The following PDE4B variants were observed in gnomAD, a reference collection of about 807,000 sequenced individuals.
PDE4B encodes 3',5'-cyclic-AMP phosphodiesterase 4B.
PDE4B carries 20 observed loss-of-function variants against 82.2 expected under a neutral mutation model. That is an observed-to-expected ratio of 0.24 (90% confidence interval 0.17 to 0.35). The LOEUF (loss-of-function observed/expected upper bound fraction) is 0.35, where lower values mean the gene tolerates loss of function less well. Among genes scored for constraint, PDE4B ranks in the 10% least tolerant of loss-of-function variants. The pLI, the probability that PDE4B is intolerant of heterozygous loss-of-function variation, is 1.00. For missense variants in PDE4B, 655 were observed against 907.2 expected, an observed-to-expected ratio of 0.72 and a Z score of 3.57; for synonymous variants, 320 against 318.9, an observed-to-expected ratio of 1.00 and a Z score of -0.04.
chr1:66,119,706 C>A (rs1163030543), intron 3 of PDE4B, among the ~76,000 whole-genome samples: 1 of 152,148 alleles, frequency 6.6e-6, no homozygotes, highest in Non-Finnish European at 1.5e-5. Flanking sequence ...GTGTTTCCCC[C>A]AAAAGATGTT....
At chr1:66,356,514 A>G (rs775944740) in intron 9 of PDE4B, among the ~76,000 whole-genome samples, 13 of 152,388 alleles carry the variant, frequency 8.5e-5, no homozygotes, top group Non-Finnish European at 1.5e-4. Context: ...ACGCTTGCTT[A>G]TGAAACCTCA....
chr1:66,293,484 C>T (rs1187032492), intron 7 of PDE4B, among the ~76,000 whole-genome samples: 3 of 151,312 alleles, frequency 2.0e-5, no homozygotes, highest in Non-Finnish European at 4.4e-5. Flanking sequence ...TTGCATGTAC[C>T]GTACTGAGTT....
intron 3 of PDE4B, among the ~76,000 whole-genome samples, chr1:66,055,345 G>A (rs907103225): frequency 2.0e-5 from 3 of 152,318 alleles, no homozygotes; most frequent in Non-Finnish European, 1.5e-5. Flanking sequence ...CTTGAGCCTC[G>A]ATTATCTTTT....
intron 3 of PDE4B, among the ~76,000 whole-genome samples, chr1:66,157,103 T>C (rs1646516039): frequency 6.6e-6 from 1 of 152,224 alleles, no homozygotes; most frequent in Non-Finnish European, 1.5e-5. Context: ...AGGACCCTGC[T>C]GTAATGCCAG....
chr1:66,259,470 A>G (rs1654514802), intron 6 of PDE4B, among the ~76,000 whole-genome samples: 1 of 152,236 alleles, frequency 6.6e-6, no homozygotes, highest in East Asian at 1.9e-4. Context: ...CTTTCTTCCT[A>G]AAATGTCTGT....
In PDE4B at chr1:66,059,507, A is replaced by C. The variant is rs554335484; in HGVS notation, c.281+140672A>C. Among the ~76,000 whole-genome samples the C allele has an allele frequency of 3.7e-3, 571 of 152,302 alleles. 7 individuals carry two copies. The highest frequency in any genetic ancestry group is 5.8e-3 in the Non-Finnish European group (395 of 68,034). On this transcript the variant is annotated intron_variant, in intron 3 of 16. Transcript: ENST00000341517. ...AAAGGAAGAAGTTTATTGGACTTACAGTTCCACATGGCTGGGGAGGCCTCA... is the reference window on the plus strand; with the variant it reads ...AAAGGAAGAAGTTTATTGGACTTACCGTTCCACATGGCTGGGGAGGCCTCA...
At chr1:66,071,968 G>A (rs1337191937) in intron 3 of PDE4B, among the ~76,000 whole-genome samples, 1 of 151,986 alleles carries the variant, frequency 6.6e-6, no homozygotes, top group African/African-American at 2.4e-5. Flanking sequence ...CATGCTGAAG[G>A]CCATGTCGCC....
At chr1:65,824,723 A>G (rs1326173885) in intron 1 of PDE4B, among the ~76,000 whole-genome samples, 1 of 151,982 alleles carries the variant, frequency 6.6e-6, no homozygotes, top group East Asian at 1.9e-4. Context: ...TTTGACAACC[A>G]TTGCTGGCAT....
chr1:65,914,383 A>G (rs969315060), intron 2 of PDE4B, among the ~76,000 whole-genome samples: 1 of 151,110 alleles, frequency 6.6e-6, no homozygotes, highest in African/African-American at 2.4e-5. Flanking sequence ...CTCCTTTTCC[A>G]TTGCCATTTC....
chr1:66,344,095 C>G (rs576334942), intron 8 of PDE4B, among the ~76,000 whole-genome samples: 32 of 152,196 alleles, frequency 2.1e-4, no homozygotes, highest in Non-Finnish European at 4.3e-4. Flanking sequence ...ACAGTGCCCC[C>G]CAATGCCTGT....
chr1:65,937,922 G>A (rs750703147), intron 3 of PDE4B, among the ~76,000 whole-genome samples: 3 of 152,006 alleles, frequency 2.0e-5, no homozygotes, highest in Admixed American at 6.6e-5. Flanking sequence ...AGTATACAAC[G>A]TCCATTCTGT....
At chr1:66,272,759 TC>T (rs1655593804) in intron 7 of PDE4B, among the ~76,000 whole-genome samples, 1 of 147,672 alleles carries the variant, frequency 6.8e-6, no homozygotes, top group Non-Finnish European at 1.5e-5. Context: ...TAAACCAGCT[TC>T]CATTCTGGTA....
intron 1 of PDE4B, among the ~76,000 whole-genome samples, chr1:65,872,900 G>A (rs987411063): frequency 6.6e-6 from 1 of 152,090 alleles, no homozygotes; most frequent in Non-Finnish European, 1.5e-5. Context: ...CTGATAAAAC[G>A]ACTGAGGATT....
At chr1:66,261,037 A>G (rs1654642113) in intron 6 of PDE4B, among the ~76,000 whole-genome samples, 1 of 152,200 alleles carries the variant, frequency 6.6e-6, no homozygotes, top group South Asian at 2.1e-4. Context: ...CCTTGTCACC[A>G]ACAAAAATTC....
intron 3 of PDE4B, among the ~76,000 whole-genome samples, chr1:66,051,934 C>T (rs1474586402): frequency 1.3e-5 from 2 of 152,132 alleles, no homozygotes; most frequent in African/African-American, 4.8e-5. Flanking sequence ...CTTAGGGCAG[C>T]CTACTTTCAT....
chr1:66,134,761 T>A (rs2101123018), intron 3 of PDE4B, among the ~76,000 whole-genome samples: 1 of 152,376 alleles, frequency 6.6e-6, no homozygotes, highest in Non-Finnish European at 1.5e-5. Flanking sequence ...TACAATTATT[T>A]CCTTTTCTCC....
intron 3 of PDE4B, among the ~76,000 whole-genome samples, chr1:65,940,359 T>A (rs1441132384): frequency 6.6e-6 from 1 of 152,052 alleles, no homozygotes; most frequent in Non-Finnish European, 1.5e-5. Flanking sequence ...AGCAATTAGA[T>A]CATCGAACTG....
At chr1:66,128,821 A>C (rs1306408096) in intron 3 of PDE4B, among the ~76,000 whole-genome samples, 1 of 152,206 alleles carries the variant, frequency 6.6e-6, no homozygotes, top group African/African-American at 2.4e-5. Context: ...AAATGAGAGC[A>C]AAGTGAAAGG....
intron 8 of PDE4B, among the ~76,000 whole-genome samples, chr1:66,347,419 A>C (rs1191785526): frequency 6.6e-6 from 1 of 152,180 alleles, no homozygotes; most frequent in Non-Finnish European, 1.5e-5. Flanking sequence ...CAAACCTCCA[A>C]CCTGTTACAA....
Sources: allele counts gnomAD v4.1 joint callset (sites outside exome capture counted in the v4.1 genomes callset), GRCh38; gene constraint gnomAD v4.1.1; transcripts MANE v1.5; gene names NCBI Gene and HGNC (gene_info 2026-07-23, HGNC 2026-07-21).